Variants in DGKD observed in about 807,000 individuals in gnomAD.
DGKD encodes the protein DAG kinase delta.
Under a neutral mutation model 154.4 loss-of-function variants are expected in DGKD, and 68 were observed. The observed-to-expected ratio is 0.44, with a 90% CI of 0.36 to 0.54. The LOEUF (loss-of-function observed/expected upper bound fraction) is 0.54, where lower values mean the gene tolerates loss of function less well. Ranked by LOEUF, DGKD falls within the 20% of genes least tolerant of loss-of-function variation. The pLI is 0.00. For synonymous variants in DGKD, 693 were observed against 638.0 expected, an observed-to-expected ratio of 1.09 and a Z score of -1.30; for missense variants, 1,343 against 1,593.6, an observed-to-expected ratio of 0.84 and a Z score of 2.68.
chr2:233,421,171 C>G (rs1208664352), intron 3 of DGKD, among the ~76,000 whole-genome samples: 1 of 152,166 alleles, frequency 6.6e-6, no homozygotes, highest in Admixed American at 6.5e-5. Context: ...GTGCCCTCAG[C>G]ATGTCCACAC....
intron 3 of DGKD, among the ~76,000 whole-genome samples, chr2:233,393,045 C>T (rs562935116): frequency 6.6e-6 from 1 of 152,248 alleles, no homozygotes; most frequent in South Asian, 2.1e-4. Context: ...GAGACGGAAT[C>T]TTGCTCTGTT....
At chr2:233,400,026 C>T (rs979579497) in intron 3 of DGKD, among the ~76,000 whole-genome samples, 2 of 152,198 alleles carry the variant, frequency 1.3e-5, no homozygotes, top group Non-Finnish European at 2.9e-5. Context: ...CAGCGCTGTA[C>T]ACAGTGACAT....
intron 3 of DGKD, among the ~76,000 whole-genome samples, chr2:233,420,152 G>T (rs1158709712): frequency 6.6e-6 from 1 of 152,178 alleles, no homozygotes; most frequent in Non-Finnish European, 1.5e-5. Flanking sequence ...GGTTGGGATG[G>T]TAAAGGAGTG....
chr2:233,462,337 T>G lies in DGKD; in HGVS notation c.2982-11T>G, dbSNP rs776362593. 1 of 1,591,226 alleles carries G rather than the reference T, an allele frequency of 6.3e-7. No individual in the cohort carries two copies. Among genetic ancestry groups the G allele is most frequent in the East Asian group, 2.3e-5 (1 of 44,190 alleles). ...GGCCTGACATCTGCCCGTGCTTCTC[T>G]TCCTCTCTAGTATCCGAGAAATAGC... On this transcript the variant is annotated splice_polypyrimidine_tract_variant and intron_variant, in intron 24 of 29. Transcript: ENST00000264057.
chr2:233,387,069 G>A (rs753896918), intron 1 of DGKD, among the ~76,000 whole-genome samples: 2 of 152,218 alleles, frequency 1.3e-5, no homozygotes, highest in Non-Finnish European at 2.9e-5. Flanking sequence ...TGTGAATGCC[G>A]GTGGATGGAA....
chr2:233,437,555 T>G, intron 8 of DGKD, 76 bp downstream of exon 8: 1 of 1,408,324 alleles, frequency 7.1e-7, no homozygotes, highest in Non-Finnish European at 9.9e-7. Flanking sequence ...CTTCTCCAGC[T>G]CTGGAGTTGG....
chr2:233,457,669 G>A lies in DGKD; in HGVS notation c.2580+341G>A, dbSNP rs1317625217. 6.7e-6 allele frequency: 3 copies of A among 448,960 alleles called. No individual in the cohort carries two copies. The highest frequency in any genetic ancestry group is 8.8e-6 in the Non-Finnish European group (2 of 227,024). 27.8% of individuals were successfully genotyped at this position (448,960 alleles called of 1,614,324 possible). On this transcript the variant is annotated intron_variant, in intron 21 of 29. Coordinates refer to ENST00000264057, the MANE Select transcript of DGKD (RefSeq NM_152879.3). This position sits in a 1 kb window ranked among gnomAD's most constrained non-coding sequence, Gnocchi z 5.5. ...GTTAGGTGGGCAGAGGAGAGGGGGA[G>A]GCTGTTCCAGGCAGAGAGAATTGCA...
At position 233,446,704 on chromosome 2, in the gene DGKD, G is replaced by T; in HGVS notation, c.1335-8G>T. 1 of 1,613,308 alleles carries T rather than the reference G, an allele frequency of 6.2e-7. No homozygotes were observed. The stretch of plus-strand genomic sequence containing the variant: ...TTGCCGCCTGTGCAGCTGACCTTGT[G>T]TGTGCAGGTGGAGCGTCATGGCATA... On this transcript the variant is annotated splice_polypyrimidine_tract_variant and splice_region_variant and intron_variant, in intron 11 of 29. Transcript: ENST00000264057.
chr2:233,432,946 A>G lies in DGKD; in HGVS notation c.349-1434A>G, dbSNP rs143092473. Among the ~76,000 whole-genome samples the G allele has an allele frequency of 7.5e-3, 1,150 of 152,352 alleles. 24 individuals carry two copies. Among genetic ancestry groups the G allele is most frequent in the African/African-American group, 0.027 (1,105 of 41,588 alleles). ...TTTATCCAAAAGACAGGCAATAACA[A>G]ATGCTGGCGAGGATGTGGAGAAAAG... is the stretch of plus-strand genomic sequence containing the variant. On this transcript the variant is annotated intron_variant, in intron 3 of 29. Transcript: ENST00000264057.
rs2063048692 is a variant in DGKD, at chr2:233,445,819, T to C, written c.1334+57T>C. 17 of 1,518,118 alleles carry C rather than the reference T, an allele frequency of 1.1e-5. No homozygotes were observed. Among genetic ancestry groups the C allele is most frequent in the Non-Finnish European group, 1.5e-5 (17 of 1,130,102 alleles). 94.0% of individuals were successfully genotyped at this position (1,518,118 alleles called of 1,614,324 possible). On this transcript the variant is annotated intron_variant, in intron 11 of 29. Coordinates refer to ENST00000264057, the MANE Select transcript of DGKD (RefSeq NM_152879.3). The surrounding 1 kb of genome is among the most constrained non-coding windows in gnomAD (Gnocchi z 5.5). ...GGAGACTTTGAGAGACAGGTCCCTT[T>C]GACCAGGTGTTCTTAACCTGGGGTC... is the stretch of plus-strand genomic sequence containing the variant.
intron 12 of DGKD, among the ~76,000 whole-genome samples, chr2:233,447,211 G>C (rs562937507): frequency 6.7e-6 from 1 of 149,920 alleles, no homozygotes; most frequent in Admixed American, 6.6e-5. Context: ...CTCCTGCCCC[G>C]TCCCACCTCT....
At chr2:233,379,062 C>A (rs975754355) in intron 1 of DGKD, among the ~76,000 whole-genome samples, 1 of 152,104 alleles carries the variant, frequency 6.6e-6, no homozygotes, top group Non-Finnish European at 1.5e-5. Flanking sequence ...GAGGCACTGG[C>A]GTGATTAAGA....
chr2:233,405,482 C>T (rs2061661872), intron 3 of DGKD, among the ~76,000 whole-genome samples: 1 of 151,064 alleles, frequency 6.6e-6, no homozygotes, highest in Admixed American at 6.6e-5. Flanking sequence ...TGTGCCATTG[C>T]ACTCCAGCCT....
chr2:233,454,126 G>A (rs763795398), intron 18 of DGKD, among the ~76,000 whole-genome samples: 6 of 152,210 alleles, frequency 3.9e-5, no homozygotes, highest in Non-Finnish European at 7.3e-5. Flanking sequence ...ACCAGCAGGC[G>A]CAGAACTGCC....
In DGKD at chr2:233,440,041, C is replaced by T. The variant is rs926482697; in HGVS notation, c.1085+1662C>T. On this transcript the variant is annotated intron_variant, in intron 9 of 29. Transcript: ENST00000264057. The surrounding 1 kb of genome is among the most constrained non-coding windows in gnomAD (Gnocchi z 4.9). ...GCAGGGCAGGTTACACAGCTGAACT[C>T]GAGAATAACGAAATATTCATTTTGG... Among the ~76,000 whole-genome samples, 3 of 152,030 alleles carry T rather than the reference C, an allele frequency of 2.0e-5. No individual in the cohort carries two copies. The highest frequency in any genetic ancestry group is 4.8e-5 in the African/African-American group (2 of 41,370).
At chr2:233,450,163 G>T in intron 16 of DGKD, 32 bp downstream of exon 16, 2 of 1,572,094 alleles carry the variant, frequency 1.3e-6, no homozygotes, top group Non-Finnish European at 1.7e-6. Flanking sequence ...TCTGCGCACC[G>T]TCGTGTGCTT....
intron 1 of DGKD, among the ~76,000 whole-genome samples, chr2:233,387,393 G>A (rs1257677507): frequency 6.6e-6 from 1 of 152,116 alleles, no homozygotes; most frequent in Non-Finnish European, 1.5e-5. Context: ...GTGTGCGAAC[G>A]CCGAGAGCCA....
intron 1 of DGKD, among the ~76,000 whole-genome samples, chr2:233,356,007 A>G (rs73995919): frequency 0.033 from 5,065 of 152,254 alleles, 275 homozygotes; most frequent in African/African-American, 0.12. Context: ...GGCAGTTTCT[A>G]CACCTAGGGA....
At chr2:233,466,453 A>C (rs966344188) in intron 27 of DGKD, among the ~76,000 whole-genome samples, 10 of 151,500 alleles carry the variant, frequency 6.6e-5, no homozygotes, top group Non-Finnish European at 1.5e-4. Flanking sequence ...ATATTTTTTC[A>C]TAGTTTTACT....
Sources: allele counts gnomAD v4.1 joint callset (sites outside exome capture counted in the v4.1 genomes callset), GRCh38; gene constraint gnomAD v4.1.1; non-coding constraint Gnocchi (gnomAD v3.1); transcripts MANE v1.5; gene names NCBI Gene and HGNC (gene_info 2026-07-23, HGNC 2026-07-21).